The following ADAM18 variants were observed in gnomAD, a reference collection of about 807,000 sequenced individuals.
The protein encoded by ADAM18 is ADAM metallopeptidase domain 18.
Under a neutral mutation model 94.4 loss-of-function variants are expected in ADAM18, and 117 were observed. That is an observed-to-expected ratio of 1.24 (90% CI 1.07 to 1.45). ADAM18 has a LOEUF of 1.45. ADAM18 is among the 40% of genes most tolerant of loss of function. The probability of loss-of-function intolerance (pLI) is 0.00; values close to 1 mark genes in which losing one functional copy is unlikely to be tolerated. For missense variants in ADAM18, 936 were observed against 880.0 expected (o/e 1.06, Z -0.81); for synonymous variants, 327 against 291.6 (o/e 1.12, Z -1.24).
At chr8:39,669,332 A>G (rs985259769) in intron 14 of ADAM18, among the ~76,000 whole-genome samples, 1 of 148,402 alleles carries the variant, frequency 6.7e-6, no homozygotes, top group Non-Finnish European at 1.5e-5. Flanking sequence ...TTATTATTAT[A>G]CTTTAAGTTT....
intron 17 of ADAM18, among the ~76,000 whole-genome samples, chr8:39,702,600 G>A (rs1585996820): frequency 6.6e-6 from 1 of 152,170 alleles, no homozygotes; most frequent in East Asian, 1.9e-4. Flanking sequence ...CTTATTCCAA[G>A]GTTTTTGTAG....
intron 17 of ADAM18, among the ~76,000 whole-genome samples, chr8:39,706,321 A>T (rs549178915): frequency 6.6e-6 from 1 of 152,112 alleles, no homozygotes; most frequent in Non-Finnish European, 1.5e-5. Context: ...ATAATGTCAA[A>T]TGTTGAAAAG....
At chr8:39,585,743 A>G (rs1181123729) in intron 2 of ADAM18, among the ~76,000 whole-genome samples, 1 of 152,240 alleles carries the variant, frequency 6.6e-6, no homozygotes, top group Admixed American at 6.5e-5. Context: ...ACCCACAAGC[A>G]TCAGTCTTAA....
intron 6 of ADAM18, among the ~76,000 whole-genome samples, chr8:39,613,592 G>C (rs549195258): frequency 6.6e-6 from 1 of 152,226 alleles, no homozygotes; most frequent in South Asian, 2.1e-4. Context: ...ACAAATGACT[G>C]TACTGTATCT....
chr8:39,603,179 G>A (rs1359774019), intron 2 of ADAM18, among the ~76,000 whole-genome samples: 1 of 152,106 alleles, frequency 6.6e-6, no homozygotes, highest in Admixed American at 6.6e-5. Flanking sequence ...ATCAGTTGAA[G>A]GTCTATTTCT....
intron 6 of ADAM18, among the ~76,000 whole-genome samples, chr8:39,625,594 T>C (rs972007273): frequency 6.6e-6 from 1 of 152,126 alleles, no homozygotes; most frequent in African/African-American, 2.4e-5. Context: ...GTAGTGAAAG[T>C]ATCCTTCTTT....
chr8:39,668,040 G>A lies in ADAM18; in HGVS notation c.1369G>A (p.Glu457Lys). 1 of 1,614,058 alleles carries A rather than the reference G, an allele frequency of 6.2e-7. No individual in the cohort carries two copies. The highest frequency in any genetic ancestry group is 8.5e-7 in the Non-Finnish European group (1 of 1,179,984). Residue 457 changes from glutamate (E) to lysine (K), a missense_variant, in exon 14 of 20, where the codon GAG becomes AAG. Physicochemically the swap from Glu to Lys is moderately conservative, Grantham distance 56 (BLOSUM62 1). Transcript: ENST00000265707. ...TCCATGTAGAAAGAGTATTGATCCAGAGTGTGATTTTACAGAGTACTGCAA... is the reference window on the plus strand; with the variant it reads ...TCCATGTAGAAAGAGTATTGATCCAAAGTGTGATTTTACAGAGTACTGCAA... ...GTPCRKSIDP[E>K]CDFTEYCNGT...
chr8:39,585,887 C>T (rs1315830834), intron 2 of ADAM18, among the ~76,000 whole-genome samples: 1 of 152,086 alleles, frequency 6.6e-6, no homozygotes, highest in Non-Finnish European at 1.5e-5. Flanking sequence ...TACTAACCTG[C>T]CTGCTAGATT....
intron 6 of ADAM18, among the ~76,000 whole-genome samples, chr8:39,611,765 C>T (rs1179118483): frequency 2.0e-5 from 3 of 151,518 alleles, no homozygotes; most frequent in Non-Finnish European, 4.4e-5. Context: ...GTGATGGGAA[C>T]CAAATGTATA....
chr8:39,588,196 T>C (rs1818462257), intron 2 of ADAM18, among the ~76,000 whole-genome samples: 2 of 151,936 alleles, frequency 1.3e-5, no homozygotes, highest in African/African-American at 4.8e-5. Context: ...TTGCCAGTGC[T>C]TGTCACCTTT....
At chr8:39,671,267 G>A (rs1821148196) in intron 14 of ADAM18, among the ~76,000 whole-genome samples, 1 of 152,212 alleles carries the variant, frequency 6.6e-6, no homozygotes, top group South Asian at 2.1e-4. Flanking sequence ...TCAGCAGATT[G>A]GGATAGTATA....
intron 16 of ADAM18, among the ~76,000 whole-genome samples, chr8:39,682,397 G>A (rs6474166): frequency 0.21 from 31,383 of 152,046 alleles, 3,410 homozygotes; most frequent in South Asian, 0.31. Context: ...GGAGGCTATC[G>A]GACCCCCAAA....
chr8:39,647,197 C>T (rs188271312), intron 11 of ADAM18, among the ~76,000 whole-genome samples: 8 of 141,410 alleles, frequency 5.7e-5, no homozygotes, highest in East Asian at 2.0e-4. Flanking sequence ...AAGAGGAATG[C>T]GGTAGGAGAG....
In ADAM18 at chr8:39,590,224, G is replaced by T. The variant is rs940463287; in HGVS notation, c.132+4872G>T. On this transcript the variant is annotated intron_variant, in intron 2 of 19. Coordinates refer to ENST00000265707, the MANE Select transcript of ADAM18 (RefSeq NM_014237.3). ...TGATAGACTGGATTAAGAAAATGTG[G>T]CACATATACACCATGGAATACTATG... is the stretch of plus-strand genomic sequence containing the variant. Among the ~76,000 whole-genome samples, 5 of 151,970 alleles carry T rather than the reference G, an allele frequency of 3.3e-5. No individual in the cohort carries two copies. In the East Asian group the frequency reaches 9.7e-4, roughly 29 times the overall value.
chr8:39,596,771 T>G (rs774993867), intron 2 of ADAM18, among the ~76,000 whole-genome samples: 1 of 152,242 alleles, frequency 6.6e-6, no homozygotes, highest in Non-Finnish European at 1.5e-5. Context: ...AAAGCTGATC[T>G]ATTATTTTGC....
chr8:39,710,841 G>A (rs145147536), intron 18 of ADAM18, among the ~76,000 whole-genome samples: 2 of 152,156 alleles, frequency 1.3e-5, no homozygotes, highest in African/African-American at 4.8e-5. Flanking sequence ...AATTTAACAA[G>A]GAAATTCAAA....
rs956411979 is a variant in ADAM18 at position 39,700,236 on chromosome 8, TAAAA to T, written c.1903-6551_1903-6548del. Among the ~76,000 whole-genome samples the T allele has an allele frequency of 2.1e-3, 314 of 152,240 alleles. 7 individuals carry two copies. Among genetic ancestry groups the T allele is most frequent in the Non-Finnish European group, 2.1e-3 (144 of 67,976 alleles). On this transcript the variant is annotated intron_variant, in intron 17 of 19. Coordinates refer to ENST00000265707, the MANE Select transcript of ADAM18 (RefSeq NM_014237.3). ...TTTTAACATCAAATTTATCAACAAA[TAAAA>T]AAGAATGTTGTTGAAGCTTAAAATG...
At chr8:39,641,259 C>A (rs571860725) in intron 10 of ADAM18, among the ~76,000 whole-genome samples, 1 of 152,034 alleles carries the variant, frequency 6.6e-6, no homozygotes, top group Non-Finnish European at 1.5e-5. Context: ...ATTAAATAGG[C>A]AATCCTTTCC....
chr8:39,695,614 T>C (rs1392254855), intron 17 of ADAM18, among the ~76,000 whole-genome samples: 1 of 151,274 alleles, frequency 6.6e-6, no homozygotes, highest in Admixed American at 6.6e-5. Flanking sequence ...GCCCCTGGTA[T>C]CCACTATTCT....
Sources: allele counts gnomAD v4.1 joint callset (sites outside exome capture counted in the v4.1 genomes callset), GRCh38; gene constraint gnomAD v4.1.1; transcripts MANE v1.5; gene names NCBI Gene and HGNC (gene_info 2026-07-23, HGNC 2026-07-21).